The following KCNJ12 variants were observed in gnomAD, a reference collection of about 807,000 sequenced individuals.
KCNJ12 encodes the protein potassium inwardly rectifying channel subfamily J member 12.
In KCNJ12, 2 loss-of-function variants were observed where a neutral mutation model predicts 22.3. The observed-to-expected ratio is 0.09, with a 90% CI of 0.04 to 0.28. KCNJ12 has a LOEUF of 0.28. KCNJ12 is among the 10% of genes least tolerant of loss of function. The probability of loss-of-function intolerance (pLI) is 1.00; values close to 1 mark genes in which losing one functional copy is unlikely to be tolerated. For synonymous variants in KCNJ12, 117 were observed against 261.4 expected (o/e 0.45, Z 5.33); for missense variants, 155 against 633.3 (o/e 0.24, Z 8.11).
At chr17:21,383,700 CAG>C (rs1219771230) in intron 1 of KCNJ12, among the ~76,000 whole-genome samples, 1 of 152,170 alleles carries the variant, frequency 6.6e-6, no homozygotes, top group East Asian at 1.9e-4. Context: ...TTTCCCTTCT[CAG>C]AGAATCCTAG....
intron 1 of KCNJ12, among the ~76,000 whole-genome samples, chr17:21,401,375 G>C (rs1227921390): frequency 6.6e-6 from 1 of 152,274 alleles, no homozygotes; most frequent in Non-Finnish European, 1.5e-5. Context: ...AGAGCAGAGA[G>C]GATTTCCCAT....
chr17:21,399,720 C>T (rs1393264082), intron 1 of KCNJ12, among the ~76,000 whole-genome samples: 1 of 152,184 alleles, frequency 6.6e-6, no homozygotes, highest in African/African-American at 2.4e-5. Flanking sequence ...CCTAGAGACA[C>T]CAGGGCCAAC....
intron 2 of KCNJ12, among the ~76,000 whole-genome samples, chr17:21,411,721 AT>A (rs1204024845): frequency 6.6e-6 from 1 of 152,298 alleles, no homozygotes; most frequent in East Asian, 1.9e-4. Flanking sequence ...AGTTTCTCTG[AT>A]TTCATGTCTT....
chr17:21,385,979 A>T (rs1555558581), intron 1 of KCNJ12, among the ~76,000 whole-genome samples: 1 of 152,208 alleles, frequency 6.6e-6, no homozygotes, highest in Non-Finnish European at 1.5e-5. Context: ...GTGTGGAAGG[A>T]GCACTGGGGC....
intron 2 of KCNJ12, among the ~76,000 whole-genome samples, chr17:21,413,146 G>T (rs1218186802): frequency 7.7e-6 from 1 of 129,398 alleles, no homozygotes; most frequent in East Asian, 2.1e-4. Context: ...CTCAGAGGCC[G>T]CACCCGCTCC....
intron 1 of KCNJ12, among the ~76,000 whole-genome samples, chr17:21,400,606 G>T (rs1389736425): frequency 8.5e-5 from 13 of 152,414 alleles, no homozygotes; most frequent in Admixed American, 4.6e-4. Context: ...ATGGGTGGGC[G>T]AGGGGCCAGG....
At chr17:21,384,576 A>G (rs576311186) in intron 1 of KCNJ12, among the ~76,000 whole-genome samples, 1 of 152,190 alleles carries the variant, frequency 6.6e-6, no homozygotes, top group South Asian at 2.1e-4. Context: ...CTCAGGGCAG[A>G]GTAGACACGC....
intron 1 of KCNJ12, among the ~76,000 whole-genome samples, chr17:21,401,343 G>A (rs1412413259): frequency 1.3e-5 from 2 of 152,252 alleles, no homozygotes; most frequent in African/African-American, 2.4e-5. Flanking sequence ...GCCAGGCATT[G>A]TGAGTCCCCA....
At chr17:21,378,484 TG>T (rs1904749852) in intron 1 of KCNJ12, among the ~76,000 whole-genome samples, 2 of 152,008 alleles carry the variant, frequency 1.3e-5, no homozygotes, top group Admixed American at 1.3e-4. Flanking sequence ...AGGGGGACCC[TG>T]GGGGCCTGCC....
chr17:21,387,440 C>CAAAAAA (rs782125409), intron 1 of KCNJ12, among the ~76,000 whole-genome samples: 58 of 36,290 alleles, frequency 1.6e-3, no homozygotes, highest in African/African-American at 2.6e-3. Flanking sequence ...GACTCTATCT[C>CAAAAAA]AAAAAAAAAA....
chr17:21,413,826 G>A (rs1336609754), intron 2 of KCNJ12, among the ~76,000 whole-genome samples: 9 of 152,306 alleles, frequency 5.9e-5, no homozygotes, highest in African/African-American at 1.9e-4. Flanking sequence ...ATGTGCAGTA[G>A]GCTGGCCTGG....
intron 2 of KCNJ12, among the ~76,000 whole-genome samples, chr17:21,413,213 G>T (rs62049501): frequency 2.4e-5 from 2 of 82,992 alleles, no homozygotes; most frequent in East Asian, 3.0e-4. Flanking sequence ...CCGGGGCTGA[G>T]TCCTGGCATT....
intron 1 of KCNJ12, among the ~76,000 whole-genome samples, chr17:21,377,514 G>A (rs1904705535): frequency 2.6e-5 from 4 of 152,192 alleles, no homozygotes; most frequent in Admixed American, 2.6e-4. Flanking sequence ...GCTTTTAGAA[G>A]TCGGCCTTGA....
At chr17:21,391,815 C>A (rs920231423) in intron 1 of KCNJ12, among the ~76,000 whole-genome samples, 1 of 152,254 alleles carries the variant, frequency 6.6e-6, no homozygotes, top group African/African-American at 2.4e-5. Context: ...TCCCCCCACC[C>A]CAGTCTCCTC....
intron 1 of KCNJ12, among the ~76,000 whole-genome samples, chr17:21,398,379 C>G (rs1487053239): frequency 6.6e-6 from 1 of 152,220 alleles, no homozygotes; most frequent in African/African-American, 2.4e-5. Context: ...TCTGCATGTG[C>G]AGCCGAGGGA....
chr17:21,383,453 G>T (rs534894470), intron 1 of KCNJ12, among the ~76,000 whole-genome samples: 3 of 152,200 alleles, frequency 2.0e-5, no homozygotes, highest in Non-Finnish European at 4.4e-5. Context: ...GGCGGGTCCT[G>T]GCATGATCAC....
intron 1 of KCNJ12, among the ~76,000 whole-genome samples, chr17:21,380,961 A>G (rs1419945876): frequency 2.0e-5 from 3 of 152,228 alleles, no homozygotes; most frequent in African/African-American, 7.2e-5. Context: ...TGGCTGCTGA[A>G]GTGGCAGCAT....
At chr17:21,380,292 C>T (rs1434261324) in intron 1 of KCNJ12, among the ~76,000 whole-genome samples, 1 of 152,190 alleles carries the variant, frequency 6.6e-6, no homozygotes, top group Non-Finnish European at 1.5e-5. Context: ...CTGGTGAGAG[C>T]TGTGGGGGCT....
At chr17:21,407,849 G>T (rs1906062903) in intron 1 of KCNJ12, among the ~76,000 whole-genome samples, 1 of 144,204 alleles carries the variant, frequency 6.9e-6, no homozygotes, top group Non-Finnish European at 1.5e-5. Flanking sequence ...CCTCCATACA[G>T]CCATCCACCC....
Sources: gnomAD v4.1 joint callset for allele counts (sites outside exome capture counted in the v4.1 genomes callset) on GRCh38, gnomAD v4.1.1 for gene constraint, MANE v1.5 for transcripts, NCBI Gene and HGNC (gene_info 2026-07-23, HGNC 2026-07-21) for gene names.